The following STRN variants were observed in gnomAD, a reference collection of about 807,000 sequenced individuals.
STRN encodes striatin.
Under a neutral mutation model 96.3 loss-of-function variants are expected in STRN, and 53 were observed. The observed-to-expected ratio is 0.55, with a 90% CI of 0.44 to 0.69. The LOEUF is 0.69. Ranked by LOEUF, STRN falls within the 30% of genes least tolerant of loss-of-function variation. The pLI is 0.00. For synonymous variants in STRN, 428 were observed against 355.9 expected (o/e 1.20, Z -2.28); for missense variants, 987 against 963.9 (o/e 1.02, Z -0.32).
chr2:36,964,321 C>G (rs180906898), intron 1 of STRN, among the ~76,000 whole-genome samples: 2 of 150,330 alleles, frequency 1.3e-5, no homozygotes, highest in East Asian at 3.9e-4. Context: ...ATTCCCAAAA[C>G]TGGAAAAGAA....
chr2:36,889,242 T>G (rs891886648), intron 7 of STRN, among the ~76,000 whole-genome samples: 3 of 152,210 alleles, frequency 2.0e-5, no homozygotes, highest in Non-Finnish European at 4.4e-5. Flanking sequence ...AACAGAAATC[T>G]GTTTTTAATA....
intron 2 of STRN, among the ~76,000 whole-genome samples, chr2:36,919,022 G>A (rs1670179579): frequency 6.6e-6 from 1 of 152,146 alleles, no homozygotes; most frequent in Admixed American, 6.5e-5. Context: ...CTAAAGAAGA[G>A]TAATTTTAGC....
chr2:36,876,039 C>A (rs1668900396), intron 10 of STRN, among the ~76,000 whole-genome samples: 1 of 152,210 alleles, frequency 6.6e-6, no homozygotes, highest in African/African-American at 2.4e-5. Context: ...GAGGCTGAGG[C>A]AGGTGAACTG....
intron 3 of STRN, among the ~76,000 whole-genome samples, chr2:36,910,189 A>ATTTT (rs1371746238): frequency 7.1e-6 from 1 of 141,162 alleles, no homozygotes; most frequent in Non-Finnish European, 1.6e-5. Context: ...AAAAAAAAAA[A>ATTTT]AAAGACTTTT....
At position 36,841,242 on chromosome 2, in the gene STRN, AAAGT is replaced by A. The variant is rs925901924; in HGVS notation, c.*8210_*8213del. 10 of 152,234 alleles carry A rather than the reference AAAGT, an allele frequency of 6.6e-5. No homozygotes were observed. The highest frequency in any genetic ancestry group is 1.3e-4 in the Admixed American group (2 of 15,276). 9.4% of individuals were successfully genotyped at this position (152,234 alleles called of 1,614,324 possible). On this transcript the variant is annotated 3_prime_UTR_variant, in exon 18 of 18. Transcript: ENST00000263918. ...GCTTGTTAAAAGGCTGACCAAAAAGAAAGTAAGTCTGAATGTTTCAGAGTTGGGA... is the reference window on the plus strand; with the variant it reads ...GCTTGTTAAAAGGCTGACCAAAAAGAAAGTCTGAATGTTTCAGAGTTGGGA...
chr2:36,907,621 T>C (rs1310652733), intron 3 of STRN, among the ~76,000 whole-genome samples: 1 of 152,196 alleles, frequency 6.6e-6, no homozygotes, highest in East Asian at 1.9e-4. Context: ...CTTTTATTCC[T>C]TACAACCTCA....
chr2:36,925,400 TG>T (rs1434623245), intron 1 of STRN, among the ~76,000 whole-genome samples, 192 bp from the exon 2 acceptor site: 9 of 152,184 alleles, frequency 5.9e-5, no homozygotes, highest in Non-Finnish European at 2.9e-5. Context: ...TAAAAAGGGC[TG>T]GGGGGACATC....
chr2:36,878,094 T>C (rs1227879015), intron 9 of STRN, 67 bp from the exon 10 acceptor site: 2 of 1,570,102 alleles, frequency 1.3e-6, no homozygotes, highest in Non-Finnish European at 1.7e-6. Flanking sequence ...CTCATTTGCT[T>C]GCATCAAATT....
chr2:36,913,557 G>A (rs28718824), intron 3 of STRN, among the ~76,000 whole-genome samples: 19,889 of 152,088 alleles, frequency 0.13, 2,770 homozygotes, highest in African/African-American at 0.35. Context: ...GCGCTCAATA[G>A]CACTTATTAT....
chr2:36,897,429 T>TAA (rs201662533), intron 6 of STRN, among the ~76,000 whole-genome samples: 61,018 of 147,744 alleles, frequency 0.41, 14,688 homozygotes, highest in Admixed American at 0.54. Flanking sequence ...CAAAAAAAAC[T>TAA]AAAAAATATA....
chr2:36,944,191 T>C (rs1055046161), intron 1 of STRN, among the ~76,000 whole-genome samples: 1 of 152,122 alleles, frequency 6.6e-6, no homozygotes, highest in Non-Finnish European at 1.5e-5. Flanking sequence ...AAAATACAGA[T>C]GTTAGAGTTA....
At chr2:36,911,784 C>T (rs577171227) in intron 3 of STRN, among the ~76,000 whole-genome samples, 2 of 152,256 alleles carry the variant, frequency 1.3e-5, no homozygotes, top group South Asian at 2.1e-4. Context: ...TAACTATCTG[C>T]ATTCTCTTTT....
rs1668034837 is a variant in STRN at position 36,845,078 on chromosome 2, C to T, written c.*4378G>A. 6.6e-6 allele frequency: 1 copy of T among 152,050 alleles called. No individual in the cohort carries two copies. Among genetic ancestry groups the T allele is most frequent in the South Asian group, 2.1e-4 (1 of 4,824 alleles). The allele number at this position is 152,050 out of a possible 1,614,324, so 9.4% of individuals were successfully genotyped here. ...AATGAATGATTATGTACTTAATAGC[C>T]TTGTAGTCACTTTCAAAGAATAAAG... On this transcript the variant is annotated 3_prime_UTR_variant, in exon 18 of 18. Coordinates refer to ENST00000263918, the MANE Select transcript of STRN (RefSeq NM_003162.4).
chr2:36,959,640 CTAAAAA>C (rs1664980178), intron 1 of STRN, among the ~76,000 whole-genome samples: 1 of 152,018 alleles, frequency 6.6e-6, no homozygotes, highest in Non-Finnish European at 1.5e-5. Context: ...ATTCTACTGC[CTAAAAA>C]TAAAATGCTA....
chr2:36,885,587 G>T (rs1221695579), intron 8 of STRN, among the ~76,000 whole-genome samples: 1 of 151,990 alleles, frequency 6.6e-6, no homozygotes, highest in East Asian at 1.9e-4. Flanking sequence ...ATTATGTAAT[G>T]GTTTAACATC....
intron 1 of STRN, among the ~76,000 whole-genome samples, chr2:36,961,077 T>C (rs924006597): frequency 2.7e-5 from 4 of 150,716 alleles, no homozygotes; most frequent in Admixed American, 1.3e-4. Flanking sequence ...TGTGAATTTT[T>C]TGTAGAGATG....
chr2:36,933,373 C>A (rs534529034), intron 1 of STRN, among the ~76,000 whole-genome samples: 1 of 152,014 alleles, frequency 6.6e-6, no homozygotes, highest in East Asian at 1.9e-4. Flanking sequence ...GGAACCAATA[C>A]CCTACAGACA....
intron 14 of STRN, 25 bp downstream of exon 14, chr2:36,857,831 C>T: frequency 6.3e-7 from 1 of 1,588,416 alleles, no homozygotes; most frequent in Non-Finnish European, 8.6e-7. Context: ...GAGGATTCAG[C>T]AAAATAATTT....
intron 1 of STRN, among the ~76,000 whole-genome samples, chr2:36,955,001 TTAC>T (rs1387206925): frequency 1.3e-5 from 2 of 152,338 alleles, no homozygotes; most frequent in Non-Finnish European, 2.9e-5. Context: ...CCTGAACCTC[TTAC>T]TATACCGTTT....
Sources: gnomAD v4.1 joint callset for allele counts (sites outside exome capture counted in the v4.1 genomes callset) on GRCh38, gnomAD v4.1.1 for gene constraint, MANE v1.5 for transcripts, NCBI Gene and HGNC (gene_info 2026-07-23, HGNC 2026-07-21) for gene names.